Variants in PLXNB2 observed in about 807,000 individuals in gnomAD.
The protein encoded by PLXNB2 is plexin-B2.
Under a neutral mutation model 202.6 loss-of-function variants are expected in PLXNB2, and 85 were observed. The ratio of observed to expected loss-of-function variants is 0.42; its 90% CI spans 0.35 to 0.50. The LOEUF (loss-of-function observed/expected upper bound fraction) is 0.50, where lower values mean the gene tolerates loss of function less well. PLXNB2 is among the 20% of genes least tolerant of loss of function. The pLI is 0.02. For missense variants in PLXNB2, 2,063 were observed against 2,586.2 expected, an observed-to-expected ratio of 0.80 and a Z score of 4.39; for synonymous variants, 1,239 against 1,137.6, an observed-to-expected ratio of 1.09 and a Z score of -1.79.
In PLXNB2 at chr22:50,284,601, G is replaced by C. The variant is rs780516842; in HGVS notation, c.2153C>G (p.Ser718Cys). 3.7e-6 allele frequency: 6 copies of C among 1,610,554 alleles called. No homozygotes were observed. Among genetic ancestry groups the C allele is most frequent in the Non-Finnish European group, 5.1e-6 (6 of 1,179,008 alleles). Residue 718 changes from serine to cysteine, a missense_variant, in exon 12 of 37, where the codon TCT becomes TGT. Physicochemically the swap from Ser to Cys is moderately radical, Grantham distance 112 (BLOSUM62 -1). This residue lies in a region of PLXNB2 where 1,303 missense variants were observed against 1,476.8 expected (regional missense o/e 0.88). Coordinates refer to ENST00000359337, the MANE Select transcript of PLXNB2 (RefSeq NM_012401.4). This position sits in a 1 kb window ranked among gnomAD's most constrained non-coding sequence, Gnocchi z 8.0. ...TGGGGTCCGAAAGGCGAAGGTCCCA[G>C]ATTCCTGCATGGTCACCGGCTCCAT... ...KFMEPVTMQE[S>C]GTFAFRTPKL...
chr22:50,283,792 A>T (rs1233359919), intron 14 of PLXNB2, 41 bp downstream of exon 14: 2 of 1,612,432 alleles, frequency 1.2e-6, no homozygotes, highest in Non-Finnish European at 8.5e-7. Flanking sequence ...GGCTCATGCC[A>T]GGGACGAGGG....
chr22:50,304,067 G>A (rs536865623), intron 1 of PLXNB2, among the ~76,000 whole-genome samples: 439 of 152,334 alleles, frequency 2.9e-3, no homozygotes, highest in Non-Finnish European at 4.8e-3. Flanking sequence ...AGCGGGCCAC[G>A]GTGTGGGCTG....
At chr22:50,280,714 G>GGCCAA in intron 24 of PLXNB2, 30 bp downstream of exon 24, 10 of 1,528,894 alleles carry the variant, frequency 6.5e-6, no homozygotes, top group Non-Finnish European at 8.0e-6. Context: ...CCACCTGTGT[G>GGCCAA]CCCTCCCGCC....
rs750566865 is a variant in PLXNB2, at chr22:50,285,973, G to A, written c.1986+17C>T. On this transcript the variant is annotated intron_variant, in intron 10 of 36. Transcript: ENST00000359337. Reference sequence around the variant, plus strand: ...GCCATGCCCTGAACAGTCCCCTGAGGCCCCGAGGCCCCTCACCATGTGGGC... The same window carrying A: ...GCCATGCCCTGAACAGTCCCCTGAGACCCCGAGGCCCCTCACCATGTGGGC... The A allele has an allele frequency of 6.2e-7, 1 of 1,609,008 alleles. No homozygotes were observed. Among genetic ancestry groups the A allele is most frequent in the East Asian group, 2.2e-5 (1 of 44,844 alleles).
At chr22:50,300,358 G>A (rs547226890) in intron 1 of PLXNB2, 15 of 981,766 alleles carry the variant, frequency 1.5e-5, no homozygotes, top group Non-Finnish European at 1.8e-5. Flanking sequence ...GAGCAGCTCC[G>A]CCCCGCCGAT....
At chr22:50,276,424 A>ATGGCCGTGGATGGAGCCACAGGGAGG (rs1569154907) in intron 35 of PLXNB2, among the ~76,000 whole-genome samples, 1 of 151,890 alleles carries the variant, frequency 6.6e-6, no homozygotes, top group Non-Finnish European at 1.5e-5. Flanking sequence ...CGCTGTGGGC[A>ATGGCCGTGGATGGAGCCACAGGGAGG]GGGCCTGGCT....
intron 1 of PLXNB2, among the ~76,000 whole-genome samples, chr22:50,300,663 G>T (rs1484303694): frequency 6.6e-6 from 1 of 152,226 alleles, no homozygotes; most frequent in African/African-American, 2.4e-5. Context: ...CCAGGTGGAG[G>T]CCGTCGCACC....
chr22:50,282,345 TG>T, intron 18 of PLXNB2, 32 bp from the exon 19 acceptor site: 1 of 1,566,486 alleles, frequency 6.4e-7, no homozygotes, highest in Non-Finnish European at 8.7e-7. Flanking sequence ...TGGGCTCGGC[TG>T]GCAGGGGTGG....
At position 50,275,950 on chromosome 22, in the gene PLXNB2, G is replaced by A. The variant is rs376188298; in HGVS notation, c.5351C>T (p.Ser1784Phe). ...GTGGAGTGCCACGAGGGTGTTCAAG[G>A]AGTCCGTGTGCGCCTGGGGGGTGAC... is the stretch of plus-strand genomic sequence containing the variant. ...LAEISRAHTD[S>F]LNTLVALHQL... The change falls in exon 36 of 37, where the codon TCC becomes TTC. Residue 1784 changes from serine (S) to phenylalanine (F), a missense_variant. Physicochemically the swap from Ser to Phe is radical, Grantham distance 155. This residue lies in a region of PLXNB2 where 760 missense variants were observed against 1,109.4 expected (regional missense o/e 0.69). Transcript: ENST00000359337. 1.9e-6 allele frequency: 3 copies of A among 1,612,608 alleles called. No individual in the cohort carries two copies. Among genetic ancestry groups the A allele is most frequent in the Middle Eastern group, 1.6e-4 (1 of 6,062 alleles).
At chr22:50,300,185 C>G in intron 1 of PLXNB2, 1 of 813,846 alleles carries the variant, frequency 1.2e-6, no homozygotes, top group Non-Finnish European at 1.5e-6. Flanking sequence ...GCCCAGGACG[C>G]GCGGGCGGGT....
intron 17 of PLXNB2, 37 bp from the exon 18 acceptor site, chr22:50,282,918 C>G: frequency 1.3e-6 from 2 of 1,574,210 alleles, no homozygotes; most frequent in Non-Finnish European, 1.7e-6. Flanking sequence ...ATCAACCCCT[C>G]CCCCGGGACC....
Position 50,281,707 on chromosome 22 carries a change from C to T in PLXNB2, c.3381G>A (p.Glu1127=). ...TNLNKAMTLQ[E]AEAFVGAERC... ...GCTCGGCACCCACGAAGGCCTCGGC[C>T]TCCTGCAGCGTCATCGCCTTGTTCA... is the stretch of plus-strand genomic sequence containing the variant. The change falls in exon 21 of 37, where the codon GAG becomes GAA. Residue 1127 remains glutamate, a synonymous_variant. Coordinates refer to ENST00000359337, the MANE Select transcript of PLXNB2 (RefSeq NM_012401.4). The T allele has an allele frequency of 6.4e-7, 1 of 1,563,716 alleles. No homozygotes were observed. The highest frequency in any genetic ancestry group is 8.7e-7 in the Non-Finnish European group (1 of 1,152,532).
chr22:50,284,712 T>C lies in PLXNB2; in HGVS notation c.2089-47A>G. The stretch of plus-strand genomic sequence containing the variant: ...CCCTGGACAGGCGGCTGTGGCACCC[T>C]GGCCCTCCTCCCAGAACCCCTGCAG... On this transcript the variant is annotated intron_variant, in intron 11 of 36. Transcript: ENST00000359337. This position sits in a 1 kb window ranked among gnomAD's most constrained non-coding sequence, Gnocchi z 8.0. 1.4e-6 allele frequency: 2 copies of C among 1,456,832 alleles called. No homozygotes were observed. Among genetic ancestry groups the C allele is most frequent in the East Asian group, 2.3e-5 (1 of 44,070 alleles). The allele number at this position is 1,456,832 out of a possible 1,614,324, so 90.2% of individuals were successfully genotyped here.
chr22:50,293,776 C>T (rs966673448), intron 2 of PLXNB2, among the ~76,000 whole-genome samples: 6 of 152,234 alleles, frequency 3.9e-5, no homozygotes, highest in African/African-American at 1.4e-4. Flanking sequence ...CCCCAGCTTC[C>T]ACCCAGGGAA....
chr22:50,278,562 C>A, intron 29 of PLXNB2, 34 bp downstream of exon 29: 1 of 1,598,716 alleles, frequency 6.3e-7, no homozygotes, highest in Non-Finnish European at 8.5e-7. Flanking sequence ...CCCCAGGGTG[C>A]CCAGTTCTCG....
At position 50,284,113 on chromosome 22, in the gene PLXNB2, C is replaced by T; in HGVS notation, c.2263+19G>A. On this transcript the variant is annotated intron_variant, in intron 13 of 36. Transcript: ENST00000359337. This position sits in a 1 kb window ranked among gnomAD's most constrained non-coding sequence, Gnocchi z 8.0. ...CCACCCGTCCCCTGCCCGCCCCCCACTGCGCCCGTGGCCCCCACCATGGAG... is the reference window on the plus strand; with the variant it reads ...CCACCCGTCCCCTGCCCGCCCCCCATTGCGCCCGTGGCCCCCACCATGGAG... The T allele has an allele frequency of 6.2e-7, 1 of 1,608,130 alleles. No homozygotes were observed. The highest frequency in any genetic ancestry group is 8.5e-7 in the Non-Finnish European group (1 of 1,178,548).
Position 50,275,653 on chromosome 22 carries a change from T to TCTCAGGTAC in PLXNB2, c.*42_*50dup, listed in dbSNP as rs758099056. On this transcript the variant is annotated 3_prime_UTR_variant, in exon 37 of 37. Transcript: ENST00000359337. ...CACTCGGCCTCCTCCCCTGAGGGGC[T>TCTCAGGTAC]CTCAGGTACCTCAGGTACCTATGTC... 7.7e-7 allele frequency: 1 copy of TCTCAGGTAC among 1,292,640 alleles called. No individual in the cohort carries two copies. Among genetic ancestry groups the TCTCAGGTAC allele is most frequent in the South Asian group, 1.3e-5 (1 of 74,356 alleles). The allele number at this position is 1,292,640 out of a possible 1,614,324, so 80.1% of individuals were successfully genotyped here.
At position 50,287,519 on chromosome 22, in the gene PLXNB2, G is replaced by A. The variant is rs535242361; in HGVS notation, c.1608+148C>T. 2.8e-4 allele frequency: 252 copies of A among 911,214 alleles called. 2 individuals carry two copies. In the South Asian group the frequency reaches 3.7e-3, roughly 14 times the overall value. The allele number at this position is 911,214 out of a possible 1,614,324, so 56.4% of individuals were successfully genotyped here. On this transcript the variant is annotated intron_variant, in intron 7 of 36. Coordinates refer to ENST00000359337, the MANE Select transcript of PLXNB2 (RefSeq NM_012401.4). ...GGGGTCCAGGGGACCAATGGAGGGC[G>A]GGCTCCATCCCTAAGGCTCGGTGCC...
Position 50,290,578 on chromosome 22 carries a change from G to A in PLXNB2, c.7C>T (p.Leu3=), listed in dbSNP as rs748970448. 6.2e-7 allele frequency: 1 copy of A among 1,605,616 alleles called. No homozygotes were observed. Among genetic ancestry groups the A allele is most frequent in the Non-Finnish European group, 8.5e-7 (1 of 1,177,802 alleles). The part of the protein sequence containing the change: MA[L]QLWALTLLGL... ...AGCAGGGTCAGGGCCCAGAGCTGCA[G>A]TGCCATTGCCCCCCGCACCCTGTGG... The change falls in exon 3 of 37, where the codon CTG becomes TTG. Residue 3 remains leucine (L), a synonymous_variant. Coordinates refer to ENST00000359337, the MANE Select transcript of PLXNB2 (RefSeq NM_012401.4).
Sources: allele counts gnomAD v4.1 joint callset (sites outside exome capture counted in the v4.1 genomes callset), GRCh38; gene constraint gnomAD v4.1.1; regional missense constraint gnomAD v4.1.1; non-coding constraint Gnocchi (gnomAD v3.1); transcripts MANE v1.5; gene names NCBI Gene and HGNC (gene_info 2026-07-23, HGNC 2026-07-21).